Variants in MGAT4A observed in about 807,000 individuals in gnomAD.
The protein encoded by MGAT4A is alpha-1,3-mannosyl-glycoprotein 4-beta-N-acetylglucosaminyltransferase A.
In MGAT4A, 33 loss-of-function variants were observed where a neutral mutation model predicts 74.1. The observed-to-expected ratio is 0.45, with a 90% CI of 0.34 to 0.60. MGAT4A has a LOEUF of 0.60. MGAT4A is among the 20% of genes least tolerant of loss of function. The pLI, the probability that MGAT4A is intolerant of heterozygous loss-of-function variation, is 0.02. For synonymous variants in MGAT4A, 198 were observed against 210.4 expected (o/e 0.94, Z 0.51); for missense variants, 479 against 628.3 (o/e 0.76, Z 2.54).
chr2:98,678,778 C>G (rs1702015030), intron 2 of MGAT4A, among the ~76,000 whole-genome samples: 1 of 152,040 alleles, frequency 6.6e-6, no homozygotes, highest in Non-Finnish European at 1.5e-5. Context: ...AGAATAAACA[C>G]TTTAAAGCAT....
At chr2:98,651,873 GAT>G (rs1451544466) in intron 8 of MGAT4A, among the ~76,000 whole-genome samples, 1 of 152,002 alleles carries the variant, frequency 6.6e-6, no homozygotes, top group Non-Finnish European at 1.5e-5. Flanking sequence ...AATGAAAAAA[GAT>G]AATTCATGAA....
intron 5 of MGAT4A, among the ~76,000 whole-genome samples, chr2:98,660,401 C>T (rs1267092750): frequency 7.1e-6 from 1 of 141,626 alleles, no homozygotes; most frequent in African/African-American, 2.7e-5. Context: ...ACCACACACA[C>T]ACACACACAC....
intron 1 of MGAT4A, among the ~76,000 whole-genome samples, chr2:98,728,275 G>A (rs1702793527): frequency 6.6e-6 from 1 of 152,148 alleles, no homozygotes; most frequent in Non-Finnish European, 1.5e-5. Flanking sequence ...TCAGACAGCA[G>A]CTCTACCTTC....
chr2:98,721,889 T>A (rs1186617607), intron 2 of MGAT4A, among the ~76,000 whole-genome samples: 1 of 151,804 alleles, frequency 6.6e-6, no homozygotes, highest in Non-Finnish European at 1.5e-5. Flanking sequence ...CAGAAATGAA[T>A]CCAGTTATAT....
At chr2:98,657,124 G>A (rs2104261902) in intron 6 of MGAT4A, among the ~76,000 whole-genome samples, 1 of 152,332 alleles carries the variant, frequency 6.6e-6, no homozygotes, top group African/African-American at 2.4e-5. Flanking sequence ...TGTCCATTGG[G>A]CTGAGGTTAA....
Position 98,621,545 on chromosome 2 carries a change from A to ACAGT in MGAT4A, c.*4017_*4020dup, listed in dbSNP as rs1442717821. The ACAGT allele has an allele frequency of 6.4e-7, 1 of 1,551,142 alleles. No homozygotes were observed. The highest frequency in any genetic ancestry group is 8.7e-7 in the Non-Finnish European group (1 of 1,146,710). ...ACAAGATTTGATTAGCCACCCCCAG[A>ACAGT]CAGTCTTCCTTTTGCTACATAACAT... On this transcript the variant is annotated 3_prime_UTR_variant, in exon 16 of 16. Transcript: ENST00000393487.
intron 8 of MGAT4A, among the ~76,000 whole-genome samples, chr2:98,653,157 C>CA (rs1229053797): frequency 4.3e-5 from 6 of 140,320 alleles, no homozygotes; most frequent in African/African-American, 1.6e-4. Flanking sequence ...TGATATATAG[C>CA]AAAAGCCATA....
In MGAT4A at chr2:98,683,233, G is replaced by T. The variant is rs11884559; in HGVS notation, c.95-4762C>A. Reference sequence around the variant, plus strand: ...TCCTGGACTGGATCCTGGACCAGAAGAAATAAATGCTGTCAAGAACATTAC... The same window carrying T: ...TCCTGGACTGGATCCTGGACCAGAATAAATAAATGCTGTCAAGAACATTAC... On this transcript the variant is annotated intron_variant, in intron 2 of 15. Transcript: ENST00000393487. Among the ~76,000 whole-genome samples the T allele has an allele frequency of 5.1e-3, 775 of 152,270 alleles. 9 individuals are homozygous for T. Among genetic ancestry groups the T allele is most frequent in the African/African-American group, 0.018 (747 of 41,548 alleles).
chr2:98,693,638 G>T (rs569897703), intron 2 of MGAT4A, among the ~76,000 whole-genome samples: 97 of 148,840 alleles, frequency 6.5e-4, no homozygotes, highest in African/African-American at 2.3e-3. Flanking sequence ...AGCCTTAGAG[G>T]TTAAGGCTGT....
At chr2:98,636,489 G>C in intron 13 of MGAT4A, 28 bp downstream of exon 13, 1 of 1,539,396 alleles carries the variant, frequency 6.5e-7, no homozygotes. Flanking sequence ...AGTTGTTAGG[G>C]AAAGGTAAGA....
chr2:98,644,942 A>G (rs565641793), intron 9 of MGAT4A, among the ~76,000 whole-genome samples: 15 of 152,174 alleles, frequency 9.9e-5, no homozygotes, highest in Non-Finnish European at 2.1e-4. Flanking sequence ...CTAACTTTAA[A>G]CATATTCTTA....
At position 98,703,875 on chromosome 2, in the gene MGAT4A, C is replaced by A. The variant is rs545457396; in HGVS notation, c.94+22364G>T. Reference sequence around the variant, plus strand: ...GCTTCTTATTATTTAGGTCTCAGTTCAACTGTCACCTCCTCAGAGAGGCAT... The same window carrying A: ...GCTTCTTATTATTTAGGTCTCAGTTAAACTGTCACCTCCTCAGAGAGGCAT... On this transcript the variant is annotated intron_variant, in intron 2 of 15. Coordinates refer to ENST00000393487, the MANE Select transcript of MGAT4A (RefSeq NM_012214.3). Among the ~76,000 whole-genome samples, 35 of 152,316 alleles carry A rather than the reference C, an allele frequency of 2.3e-4. No homozygotes were observed. The South Asian group carries it at 7.3e-3, about 32-fold the overall frequency.
chr2:98,661,082 C>T (rs967592657), intron 5 of MGAT4A, among the ~76,000 whole-genome samples: 2 of 151,976 alleles, frequency 1.3e-5, no homozygotes, highest in African/African-American at 4.8e-5. Flanking sequence ...AGAAAAAACA[C>T]TGAAAAAATA....
intron 4 of MGAT4A, among the ~76,000 whole-genome samples, chr2:98,673,708 T>C (rs1701941385): frequency 1.3e-5 from 2 of 152,172 alleles, no homozygotes; most frequent in African/African-American, 2.4e-5. Flanking sequence ...ATTAGAGACC[T>C]TGGACATTTT....
chr2:98,662,100 C>T lies in MGAT4A; in HGVS notation c.537+946G>A, dbSNP rs1313901823. 2.6e-5 allele frequency among the ~76,000 whole-genome samples: 4 copies of T among 152,100 alleles called. No individual in the cohort carries two copies. In the South Asian group the frequency reaches 6.2e-4, roughly 24 times the overall value. ...CATAGTGCATGCTGGAACAGAAAGG[C>T]GAACCCAGGCGGAAAAACAGGAAAC... On this transcript the variant is annotated intron_variant, in intron 5 of 15. Coordinates refer to ENST00000393487, the MANE Select transcript of MGAT4A (RefSeq NM_012214.3).
intron 12 of MGAT4A, among the ~76,000 whole-genome samples, chr2:98,639,264 C>T (rs1051431892): frequency 2.0e-5 from 3 of 150,710 alleles, no homozygotes; most frequent in Non-Finnish European, 3.0e-5. Flanking sequence ...CCAGTCTGGG[C>T]GACAGAGCGA....
chr2:98,660,420 A>ACACG (rs1553537219), intron 5 of MGAT4A, among the ~76,000 whole-genome samples: 2 of 33,514 alleles, frequency 6.0e-5, no homozygotes, highest in Admixed American at 6.0e-4. Flanking sequence ...ACGCACGCGC[A>ACACG]CACACACACA....
chr2:98,681,144 G>A (rs10207277), intron 2 of MGAT4A, among the ~76,000 whole-genome samples: 8,521 of 152,038 alleles, frequency 0.056, 546 homozygotes, highest in African/African-American at 0.15. Context: ...CACCATGCCC[G>A]GCTAATTTTT....
Position 98,624,763 on chromosome 2 carries a change from C to T in MGAT4A, c.*803G>A. On this transcript the variant is annotated 3_prime_UTR_variant, in exon 16 of 16. Transcript: ENST00000393487. Reference sequence around the variant, plus strand: ...ATCTGGGTTGAATGCATCACACTTACACATTGAAAATTTATCAGACTGACT... The same window carrying T: ...ATCTGGGTTGAATGCATCACACTTATACATTGAAAATTTATCAGACTGACT... The T allele has an allele frequency of 1.0e-6, 1 of 984,078 alleles. No homozygotes were observed. The highest frequency in any genetic ancestry group is 1.2e-6 in the Non-Finnish European group (1 of 828,326). 61.0% of individuals were successfully genotyped at this position (984,078 alleles called of 1,614,324 possible).
Sources: gnomAD v4.1 joint callset for allele counts (sites outside exome capture counted in the v4.1 genomes callset) on GRCh38, gnomAD v4.1.1 for gene constraint, MANE v1.5 for transcripts, NCBI Gene and HGNC (gene_info 2026-07-23, HGNC 2026-07-21) for gene names.